GPC5: variants seen among roughly 807,000 people sequenced by gnomAD.
GPC5 encodes the protein glypican-5.
In GPC5, 47 loss-of-function variants were observed where a neutral mutation model predicts 53.9. That is an observed-to-expected ratio of 0.87 (90% confidence interval 0.69 to 1.11). The LOEUF (loss-of-function observed/expected upper bound fraction) is 1.11, where lower values mean the gene tolerates loss of function less well. GPC5 is among the 50% of genes most tolerant of loss of function. The pLI, the probability that GPC5 is intolerant of heterozygous loss-of-function variation, is 0.00. For missense variants in GPC5, 748 were observed against 713.1 expected (o/e 1.05, Z -0.56); for synonymous variants, 286 against 263.3 (o/e 1.09, Z -0.84).
chr13:91,795,729 G>GC (rs1243095000), intron 5 of GPC5, among the ~76,000 whole-genome samples: 4 of 151,860 alleles, frequency 2.6e-5, no homozygotes, highest in African/African-American at 9.7e-5. Flanking sequence ...TCCCTCCCCT[G>GC]CCCCTGCATC....
intron 7 of GPC5, among the ~76,000 whole-genome samples, chr13:92,293,383 C>CTTTGG (rs113322796): frequency 0.091 from 10,463 of 114,792 alleles, 500 homozygotes; most frequent in African/African-American, 0.16. Flanking sequence ...TCTTTCACCT[C>CTTTGG]TTTGGTTAGG....
intron 2 of GPC5, among the ~76,000 whole-genome samples, chr13:91,663,069 T>C (rs372998036): frequency 4.0e-4 from 61 of 152,278 alleles, no homozygotes; most frequent in Non-Finnish European, 8.1e-4. Flanking sequence ...GGAGGAGAGA[T>C]CTTAATCAAG....
chr13:91,773,494 T>C (rs2037661024), intron 5 of GPC5, among the ~76,000 whole-genome samples: 1 of 152,198 alleles, frequency 6.6e-6, no homozygotes, highest in African/African-American at 2.4e-5. Flanking sequence ...TTATTAATGA[T>C]AATATTATTT....
At chr13:92,684,385 C>G (rs990166017) in intron 7 of GPC5, among the ~76,000 whole-genome samples, 1 of 152,096 alleles carries the variant, frequency 6.6e-6, no homozygotes, top group African/African-American at 2.4e-5. Flanking sequence ...ATTTTCCTGT[C>G]TCAGCCTCCT....
At chr13:92,569,234 A>T (rs1369963042) in intron 7 of GPC5, among the ~76,000 whole-genome samples, 1 of 151,766 alleles carries the variant, frequency 6.6e-6, no homozygotes, top group Non-Finnish European at 1.5e-5. Context: ...AATTTCATCC[A>T]TGTCCCTACA....
intron 5 of GPC5, among the ~76,000 whole-genome samples, chr13:91,906,982 T>A (rs1302651056): frequency 1.3e-5 from 2 of 149,834 alleles, no homozygotes; most frequent in Non-Finnish European, 3.0e-5. Context: ...TATATATTTT[T>A]TATATATTTT....
chr13:92,006,438 T>G (rs2040607367), intron 6 of GPC5, among the ~76,000 whole-genome samples: 1 of 152,132 alleles, frequency 6.6e-6, no homozygotes, highest in Non-Finnish European at 1.5e-5. Context: ...GCTAAGAAAT[T>G]GTGTGTTTTA....
At chr13:92,372,245 T>A (rs2043656818) in intron 7 of GPC5, among the ~76,000 whole-genome samples, 1 of 152,194 alleles carries the variant, frequency 6.6e-6, no homozygotes. Flanking sequence ...GGTAATTTGT[T>A]ACAGCAGCAG....
chr13:92,039,111 C>G (rs1373934321), intron 6 of GPC5, among the ~76,000 whole-genome samples: 2 of 152,168 alleles, frequency 1.3e-5, no homozygotes, highest in Non-Finnish European at 2.9e-5. Context: ...TAAAGCCAGA[C>G]TGCAGTGGGT....
chr13:91,930,328 A>T (rs2039809669), intron 6 of GPC5, among the ~76,000 whole-genome samples: 2 of 152,110 alleles, frequency 1.3e-5, no homozygotes, highest in South Asian at 4.1e-4. Flanking sequence ...AGGAATAAAG[A>T]AAAAACACAT....
intron 7 of GPC5, among the ~76,000 whole-genome samples, chr13:92,503,000 TA>T (rs1449869111): frequency 6.6e-6 from 1 of 151,912 alleles, no homozygotes; most frequent in Non-Finnish European, 1.5e-5. Context: ...TGTTCTACAA[TA>T]ATAATCAACT....
intron 7 of GPC5, among the ~76,000 whole-genome samples, chr13:92,605,036 C>G (rs151187116): frequency 6.6e-6 from 1 of 152,142 alleles, no homozygotes; most frequent in Admixed American, 6.5e-5. Flanking sequence ...ATCTCCCAGA[C>G]GAATTGCTGA....
At chr13:92,391,271 G>T (rs559275544) in intron 7 of GPC5, among the ~76,000 whole-genome samples, 19 of 151,918 alleles carry the variant, frequency 1.3e-4, no homozygotes, top group Non-Finnish European at 2.5e-4. Context: ...AATTTCTCAG[G>T]TACAAAGGAT....
At position 92,066,433 on chromosome 13, in the gene GPC5, G is replaced by GA. The variant is rs773012733; in HGVS notation, c.1402-78384dup. ...AATTAGGTTTTGATAGAACAAACCT[G>GA]AAAAAAAAAAAAAGAAAAAAAACAG... On this transcript the variant is annotated intron_variant, in intron 6 of 7. Coordinates refer to ENST00000377067, the MANE Select transcript of GPC5 (RefSeq NM_004466.6). Among the ~76,000 whole-genome samples, 642 of 116,366 alleles carry GA rather than the reference G, an allele frequency of 5.5e-3. 6 individuals are homozygous for GA. The highest frequency in any genetic ancestry group is 0.014 in the African/African-American group (449 of 31,360). The allele number at this position is 116,366 out of a possible 152,430, so 76.3% of individuals were successfully genotyped here.
At chr13:91,790,985 A>C (rs763750020) in intron 5 of GPC5, among the ~76,000 whole-genome samples, 18 of 152,170 alleles carry the variant, frequency 1.2e-4, no homozygotes, top group Non-Finnish European at 2.1e-4. Flanking sequence ...GTATTTTATA[A>C]ATTTTAGAAA....
chr13:92,554,407 A>G (rs1194944967), intron 7 of GPC5, among the ~76,000 whole-genome samples: 1 of 151,826 alleles, frequency 6.6e-6, no homozygotes, highest in African/African-American at 2.4e-5. Context: ...TAAAAGCAAC[A>G]ATAAGCCAAC....
chr13:91,581,818 C>G (rs1405012113), intron 2 of GPC5, among the ~76,000 whole-genome samples: 31 of 152,078 alleles, frequency 2.0e-4, no homozygotes, highest in Admixed American at 2.0e-3. Context: ...CACACAAACA[C>G]ACAATCACCA....
intron 7 of GPC5, among the ~76,000 whole-genome samples, chr13:92,559,549 A>G (rs1340588735): frequency 6.6e-6 from 1 of 151,536 alleles, no homozygotes; most frequent in Non-Finnish European, 1.5e-5. Context: ...GCCCTCCCCT[A>G]TCTGGCTCTT....
At chr13:91,839,422 G>A (rs2038759379) in intron 5 of GPC5, among the ~76,000 whole-genome samples, 1 of 151,988 alleles carries the variant, frequency 6.6e-6, no homozygotes, top group South Asian at 2.1e-4. Flanking sequence ...TTTTGCAACC[G>A]CTTTGGAGTA....
Sources: allele counts gnomAD v4.1 joint callset (sites outside exome capture counted in the v4.1 genomes callset), GRCh38; gene constraint gnomAD v4.1.1; transcripts MANE v1.5; gene names NCBI Gene and HGNC (gene_info 2026-07-23, HGNC 2026-07-21).